The following KLHL32 variants were observed in gnomAD, a reference collection of about 807,000 sequenced individuals.
The protein encoded by KLHL32 is kelch like family member 32.
Under a neutral mutation model 64.8 loss-of-function variants are expected in KLHL32, and 35 were observed. That is an observed-to-expected ratio of 0.54 (90% CI 0.41 to 0.72). KLHL32 has a LOEUF of 0.72. KLHL32 is among the 30% of genes least tolerant of loss of function. The pLI, the probability that KLHL32 is intolerant of heterozygous loss-of-function variation, is 0.00. For synonymous variants in KLHL32, 259 were observed against 281.0 expected (o/e 0.92, Z 0.78); for missense variants, 589 against 768.5 (o/e 0.77, Z 2.76).
intron 3 of KLHL32, among the ~76,000 whole-genome samples, chr6:96,984,160 G>T (rs1404463350): frequency 1.3e-5 from 2 of 152,196 alleles, no homozygotes; most frequent in Admixed American, 6.5e-5. Context: ...TCAGGAGCAG[G>T]TTGTTCAGTT....
At position 97,034,175 on chromosome 6, in the gene KLHL32, C is replaced by A. The variant is rs535081797; in HGVS notation, c.205-7317C>A. On this transcript the variant is annotated intron_variant, in intron 3 of 10. Transcript: ENST00000369261. Reference sequence around the variant, plus strand: ...AAGTCTTACATTTAAGTCATTAATACATTTAAGTTAATTTTTGCATATGAT... The same window carrying A: ...AAGTCTTACATTTAAGTCATTAATAAATTTAAGTTAATTTTTGCATATGAT... Among the ~76,000 whole-genome samples, 9 of 152,162 alleles carry A rather than the reference C, an allele frequency of 5.9e-5. No individual in the cohort carries two copies. The South Asian group carries it at 1.9e-3, about 32-fold the overall frequency.
chr6:97,037,206 A>G (rs1001508367), intron 3 of KLHL32, among the ~76,000 whole-genome samples: 2 of 152,076 alleles, frequency 1.3e-5, no homozygotes, highest in African/African-American at 4.8e-5. Context: ...GAGAGCAATA[A>G]TTTAGTGTTT....
At chr6:97,037,497 A>G (rs1784472858) in intron 3 of KLHL32, among the ~76,000 whole-genome samples, 1 of 152,184 alleles carries the variant, frequency 6.6e-6, no homozygotes, top group South Asian at 2.1e-4. Context: ...AAATATCTAT[A>G]CAAGGAAAAC....
chr6:97,070,143 G>A (rs1287769641), intron 5 of KLHL32, among the ~76,000 whole-genome samples: 1 of 152,056 alleles, frequency 6.6e-6, no homozygotes, highest in African/African-American at 2.4e-5. Context: ...ATAATCAAAT[G>A]CACTGAGTGC....
chr6:96,910,145 C>T, the KLHL32 span, among the ~76,000 whole-genome samples: 3 of 152,284 alleles, frequency 2.0e-5, no homozygotes, highest in East Asian at 1.9e-4. Flanking sequence ...TGCTCCACTA[C>T]CTGCAACACA....
At position 97,015,899 on chromosome 6, in the gene KLHL32, G is replaced by A. The variant is rs538686194; in HGVS notation, c.205-25593G>A. 1.4e-3 allele frequency among the ~76,000 whole-genome samples: 216 copies of A among 152,290 alleles called. 1 individual carries two copies. Among genetic ancestry groups the A allele is most frequent in the Admixed American group, 3.1e-3 (47 of 15,300 alleles). The stretch of plus-strand genomic sequence containing the variant: ...CTGCATCTCAGCCATGGCTAAAAGG[G>A]ACCAAGGTACAGCTCAGACCATTGC... On this transcript the variant is annotated intron_variant, in intron 3 of 10. Transcript: ENST00000369261.
intron 3 of KLHL32, among the ~76,000 whole-genome samples, chr6:97,027,570 T>TG (rs111516581): frequency 0.08 from 12,239 of 152,124 alleles, 1,037 homozygotes; most frequent in Admixed American, 0.22. Context: ...CCAAAATAAT[T>TG]GGGGGAAAAG....
intron 9 of KLHL32, 41 bp from the exon 10 acceptor site, chr6:97,132,612 A>T: frequency 1.4e-6 from 2 of 1,453,996 alleles, no homozygotes; most frequent in Non-Finnish European, 1.9e-6. Flanking sequence ...ATATGTAAGA[A>T]ATGGATTTTT....
chr6:96,918,491 A>G, the KLHL32 span, among the ~76,000 whole-genome samples: 2 of 152,230 alleles, frequency 1.3e-5, no homozygotes, highest in African/African-American at 4.8e-5. Context: ...TTCACACATT[A>G]CTACTGTGGG....
At chr6:97,053,847 C>T (rs1787354234) in intron 4 of KLHL32, among the ~76,000 whole-genome samples, 1 of 151,938 alleles carries the variant, frequency 6.6e-6, no homozygotes, top group East Asian at 1.9e-4. Context: ...TGCATTCATA[C>T]ATAGATATTT....
intron 1 of KLHL32, among the ~76,000 whole-genome samples, chr6:96,962,564 G>A (rs1317201855): frequency 1.3e-5 from 2 of 152,278 alleles, no homozygotes; most frequent in East Asian, 3.9e-4. Context: ...TTTGGCATAT[G>A]AACTACATTA....
chr6:97,114,338 G>A lies in KLHL32; in HGVS notation c.1183G>A (p.Ala395Thr). 3 of 1,614,194 alleles carry A rather than the reference G, an allele frequency of 1.9e-6. No homozygotes were observed. Among genetic ancestry groups the A allele is most frequent in the Non-Finnish European group, 2.5e-6 (3 of 1,180,026 alleles). ...CTGCCGGGAGCATTTTGTGCTGGGT[G>A]CCATGGAGGAATACCTCTATGCAGT... ...KNCREHFVLG[A>T]MEEYLYAVGG... The change falls in exon 7 of 11, where the codon GCC becomes ACC. Residue 395 changes from alanine (A) to threonine (T), a missense_variant. This residue lies in a region of KLHL32 where 226 missense variants were observed against 353.2 expected (regional missense o/e 0.64). Coordinates refer to ENST00000369261, the MANE Select transcript of KLHL32 (RefSeq NM_052904.4).
chr6:96,976,254 CA>C, intron 3 of KLHL32, 77 bp downstream of exon 3: 1 of 1,347,168 alleles, frequency 7.4e-7, no homozygotes, highest in African/African-American at 1.5e-5. Flanking sequence ...GTCACTAAAC[CA>C]GGAGCCAATT....
chr6:97,096,917 G>C (rs985960186), intron 6 of KLHL32, among the ~76,000 whole-genome samples: 2 of 152,156 alleles, frequency 1.3e-5, no homozygotes, highest in African/African-American at 4.8e-5. Context: ...GAATAAATGG[G>C]TCTGCTAATG....
intron 3 of KLHL32, among the ~76,000 whole-genome samples, chr6:97,028,751 A>G (rs1282202973): frequency 2.6e-5 from 4 of 152,206 alleles, no homozygotes; most frequent in East Asian, 3.8e-4. Flanking sequence ...AGCCTCTTCA[A>G]TTAATTCGAT....
At chr6:97,061,909 C>T (rs1427181312) in intron 4 of KLHL32, among the ~76,000 whole-genome samples, 2 of 152,132 alleles carry the variant, frequency 1.3e-5, no homozygotes, top group Admixed American at 1.3e-4. Context: ...AATCAAAAGC[C>T]TCTGGTACAG....
the KLHL32 span, among the ~76,000 whole-genome samples, chr6:96,916,647 A>C: frequency 6.6e-6 from 1 of 152,138 alleles, no homozygotes; most frequent in Non-Finnish European, 1.5e-5. Context: ...TGCACATAAA[A>C]ATTAGAATAT....
intron 10 of KLHL32, among the ~76,000 whole-genome samples, chr6:97,136,842 A>G (rs1800075461): frequency 1.3e-5 from 2 of 152,168 alleles, no homozygotes; most frequent in South Asian, 4.1e-4. Context: ...TTGGCCCAGG[A>G]AACCAGACAA....
chr6:97,023,606 T>C (rs1160198903), intron 3 of KLHL32, among the ~76,000 whole-genome samples: 5 of 152,230 alleles, frequency 3.3e-5, no homozygotes, highest in African/African-American at 7.2e-5. Context: ...TTCCTTAACG[T>C]AGAATTTCTT....
Sources: allele counts gnomAD v4.1 joint callset (sites outside exome capture counted in the v4.1 genomes callset), GRCh38; gene constraint gnomAD v4.1.1; regional missense constraint gnomAD v4.1.1; transcripts MANE v1.5; gene names NCBI Gene and HGNC (gene_info 2026-07-23, HGNC 2026-07-21).